Variants in PIR observed in about 807,000 individuals in gnomAD.
PIR encodes pirin (iron-binding nuclear protein).
A neutral mutation model predicts 24.2 loss-of-function variants in PIR; 22 were observed. The ratio of observed to expected loss-of-function variants is 0.91; its 90% CI spans 0.65 to 1.30. The LOEUF (loss-of-function observed/expected upper bound fraction) is 1.30. Ranked by LOEUF, PIR falls within the 50% of genes most tolerant of loss-of-function variation. The pLI is 0.00. For missense variants in PIR, 220 were observed against 220.3 expected (o/e 1.00, Z 0.01); for synonymous variants, 80 against 79.6 (o/e 1.00, Z -0.03).
intron 3 of PIR, among the ~76,000 whole-genome samples, chrX:15,463,115 C>T (rs186314589): frequency 6.3e-5 from 7 of 111,734 alleles, no homozygotes; most frequent in Admixed American, 1.9e-4. Flanking sequence ...GACTAGCACC[C>T]GTGGTGGTAG....
At chrX:15,430,833 C>T (rs190919123) in intron 5 of PIR, among the ~76,000 whole-genome samples, 4 of 111,677 alleles carry the variant, frequency 3.6e-5, no homozygotes, top group East Asian at 5.6e-4. Flanking sequence ...CAGCATGCTA[C>T]GTTGCTATGT....
At chrX:15,486,616 T>C (rs1057261945) in intron 2 of PIR, among the ~76,000 whole-genome samples, 5 of 111,913 alleles carry the variant, frequency 4.5e-5, no homozygotes, top group African/African-American at 1.6e-4. Context: ...GGTGGAACTT[T>C]TAGGAAAATT....
At chrX:15,465,362 T>C (rs1227205268) in intron 3 of PIR, among the ~76,000 whole-genome samples, 1 of 112,031 alleles carries the variant, frequency 8.9e-6, no homozygotes, top group African/African-American at 3.2e-5. Flanking sequence ...GTAGTGTAAA[T>C]GCTAGACTGA....
At chrX:15,408,650 A>G (rs1218774110) in intron 6 of PIR, among the ~76,000 whole-genome samples, 1 of 111,801 alleles carries the variant, frequency 8.9e-6, no homozygotes, top group Non-Finnish European at 1.9e-5. Context: ...AACCTAGAAA[A>G]GGCACAGTCG....
chrX:15,425,069 T>G (rs1443770056), intron 6 of PIR, among the ~76,000 whole-genome samples: 2 of 110,652 alleles, frequency 1.8e-5, no homozygotes, highest in Admixed American at 9.6e-5. Flanking sequence ...CCTTAAATAC[T>G]TGGGAATTTT....
chrX:15,414,522 T>A (rs1209980857), intron 6 of PIR, among the ~76,000 whole-genome samples: 1 of 112,167 alleles, frequency 8.9e-6, no homozygotes, highest in African/African-American at 3.2e-5. Context: ...CATTCGAACT[T>A]AGATTGAAGC....
intron 2 of PIR, among the ~76,000 whole-genome samples, chrX:15,489,212 G>A (rs1923031530): frequency 8.9e-6 from 1 of 112,089 alleles, no homozygotes; most frequent in Admixed American, 9.4e-5. Context: ...TACTAGAACT[G>A]CCACCAAATC....
chrX:15,479,050 A>G (rs950436994), intron 3 of PIR, among the ~76,000 whole-genome samples: 19 of 112,345 alleles, frequency 1.7e-4, no homozygotes, highest in Admixed American at 9.4e-5. Flanking sequence ...AATCTTTGAA[A>G]GTGCCACAAT....
chrX:15,406,499 T>C (rs990970905), intron 7 of PIR, among the ~76,000 whole-genome samples: 1 of 111,894 alleles, frequency 8.9e-6, no homozygotes, highest in Non-Finnish European at 1.9e-5. Flanking sequence ...AGGTAGCTTC[T>C]GGGAATGTTA....
chrX:15,400,434 T>C (rs985324510), intron 7 of PIR, among the ~76,000 whole-genome samples: 1 of 111,953 alleles, frequency 8.9e-6, no homozygotes, highest in African/African-American at 3.2e-5. Flanking sequence ...TGTTTCGTGA[T>C]ACATATACCA....
At chrX:15,445,884 C>T (rs1349929365) in intron 5 of PIR, among the ~76,000 whole-genome samples, 1 of 78,701 alleles carries the variant, frequency 1.3e-5, no homozygotes, top group Non-Finnish European at 2.2e-5. Context: ...GGCTGAAGTG[C>T]TGTGGCGCGA....
intron 8 of PIR, among the ~76,000 whole-genome samples, chrX:15,396,957 G>C (rs909871867): frequency 1.8e-5 from 2 of 111,528 alleles, no homozygotes; most frequent in African/African-American, 6.5e-5. Flanking sequence ...AGCCAGGATG[G>C]TCTCGATTTC....
intron 7 of PIR, among the ~76,000 whole-genome samples, chrX:15,400,345 T>C (rs1400999100): frequency 8.9e-6 from 1 of 112,069 alleles, no homozygotes; most frequent in East Asian, 2.8e-4. Context: ...ATGAAACATG[T>C]CTTTATCTTC....
At chrX:15,486,559 TA>T (rs1391259174) in intron 2 of PIR, among the ~76,000 whole-genome samples, 1 of 111,690 alleles carries the variant, frequency 9.0e-6, no homozygotes, top group African/African-American at 3.3e-5. Flanking sequence ...CTCTTGTAGC[TA>T]GTTGTGTTCA....
At chrX:15,398,669 GGT>G (rs371177726) in intron 7 of PIR, among the ~76,000 whole-genome samples, 1,549 of 76,043 alleles carry the variant, frequency 0.02, 22 homozygotes, top group South Asian at 0.041. Flanking sequence ...GAGGAGGGAG[GGT>G]GTGTGTGTGT....
chrX:15,392,595 G>A (rs375534648), intron 8 of PIR, among the ~76,000 whole-genome samples: 138 of 111,236 alleles, frequency 1.2e-3, no homozygotes, highest in African/African-American at 4.2e-3. Flanking sequence ...TCCCTTTCCT[G>A]CCTTCAACTT....
In PIR at chrX:15,431,746, G is replaced by A. The variant is rs188075521; in HGVS notation, c.481-5756C>T. Among the ~76,000 whole-genome samples the A allele has an allele frequency of 3.4e-4, 32 of 93,046 alleles. No homozygotes were observed. The East Asian group carries it at 0.011, about 31-fold the overall frequency. The allele number at this position is 93,046 out of a possible 115,157, so 80.8% of individuals were successfully genotyped here. A position where few individuals can be genotyped will look rare whatever the true frequency, so the allele number is the denominator to read the frequency against. Reference sequence around the variant, plus strand: ...CTTAATCTGAAGAAAAAAGTTTAAAGGCACCACCTCCACAGTATAAATACC... The same window carrying A: ...CTTAATCTGAAGAAAAAAGTTTAAAAGCACCACCTCCACAGTATAAATACC... On this transcript the variant is annotated intron_variant, in intron 5 of 9. Coordinates refer to ENST00000380420, the MANE Select transcript of PIR (RefSeq NM_001018109.3).
intron 8 of PIR, among the ~76,000 whole-genome samples, chrX:15,393,011 A>G (rs1924008005): frequency 8.9e-6 from 1 of 112,101 alleles, no homozygotes; most frequent in South Asian, 3.7e-4. Context: ...AATCATGCAA[A>G]AGCCAAGAGA....
At chrX:15,406,815 T>C (rs1227693430) in intron 7 of PIR, among the ~76,000 whole-genome samples, 1 of 111,857 alleles carries the variant, frequency 8.9e-6, no homozygotes, top group Non-Finnish European at 1.9e-5. Flanking sequence ...CTGGGTTCGC[T>C]AAGGGATTTA....
Sources: gnomAD v4.1 joint callset for allele counts (sites outside exome capture counted in the v4.1 genomes callset) on GRCh38, gnomAD v4.1.1 for gene constraint, MANE v1.5 for transcripts, NCBI Gene and HGNC (gene_info 2026-07-23, HGNC 2026-07-21) for gene names.